The following GRID2 variants were observed in gnomAD, a reference collection of about 807,000 sequenced individuals.
GRID2 encodes glutamate receptor ionotropic, delta-2.
A neutral mutation model predicts 114.8 loss-of-function variants in GRID2; 33 were observed. The observed-to-expected ratio is 0.29, with a 90% confidence interval of 0.22 to 0.38. The LOEUF is 0.38. GRID2 is among the 10% of genes least tolerant of loss of function. The pLI, the probability that GRID2 is intolerant of heterozygous loss-of-function variation, is 1.00. For synonymous variants in GRID2, 505 were observed against 449.9 expected, an observed-to-expected ratio of 1.12 and a Z score of -1.55; for missense variants, 1,184 against 1,257.7, an observed-to-expected ratio of 0.94 and a Z score of 0.89.
intron 2 of GRID2, among the ~76,000 whole-genome samples, chr4:92,667,989 G>C (rs751671558): frequency 5.3e-5 from 8 of 151,708 alleles, no homozygotes; most frequent in Non-Finnish European, 1.2e-4. Context: ...TCAGCATGTG[G>C]TACTACCGGT....
chr4:92,345,220 C>T (rs185296603), intron 1 of GRID2, among the ~76,000 whole-genome samples: 24 of 152,020 alleles, frequency 1.6e-4, no homozygotes, highest in African/African-American at 5.3e-4. Flanking sequence ...TTTGGTTTTC[C>T]ATACCCGAGC....
chr4:93,608,282 A>AT (rs1740502062), intron 13 of GRID2, among the ~76,000 whole-genome samples: 1 of 134,504 alleles, frequency 7.4e-6, no homozygotes, highest in South Asian at 2.5e-4. Context: ...TCCAACTGAA[A>AT]ATTATTTTTT....
intron 2 of GRID2, among the ~76,000 whole-genome samples, chr4:92,830,656 C>T (rs1355236855): frequency 1.3e-5 from 2 of 152,140 alleles, no homozygotes; most frequent in African/African-American, 4.8e-5. Context: ...CTGCTATGGG[C>T]AGATGCCAAG....
intron 14 of GRID2, among the ~76,000 whole-genome samples, chr4:93,766,806 G>A (rs1195042733): frequency 6.6e-6 from 1 of 152,066 alleles, no homozygotes; most frequent in Non-Finnish European, 1.5e-5. Flanking sequence ...TATTATTATG[G>A]TAAGAATTCT....
At chr4:93,524,598 A>G (rs1422601495) in intron 13 of GRID2, among the ~76,000 whole-genome samples, 1 of 151,780 alleles carries the variant, frequency 6.6e-6, no homozygotes, top group African/African-American at 2.4e-5. Context: ...TGTTTTCTCA[A>G]AAAGAAAAGG....
intron 12 of GRID2, among the ~76,000 whole-genome samples, chr4:93,501,280 C>A (rs1341428028): frequency 6.6e-6 from 1 of 152,006 alleles, no homozygotes; most frequent in African/African-American, 2.4e-5. Context: ...CTTTGTGTCA[C>A]CCACTCACTC....
intron 1 of GRID2, among the ~76,000 whole-genome samples, chr4:92,492,910 C>T (rs1723210687): frequency 6.6e-6 from 1 of 152,018 alleles, no homozygotes; most frequent in African/African-American, 2.4e-5. Flanking sequence ...GCGCGGATCA[C>T]TGGAGGTCAG....
At chr4:92,551,731 A>C (rs1488769318) in intron 1 of GRID2, among the ~76,000 whole-genome samples, 1 of 152,180 alleles carries the variant, frequency 6.6e-6, no homozygotes, top group Non-Finnish European at 1.5e-5. Flanking sequence ...CATCGTTAAT[A>C]ACATCAGACA....
intron 8 of GRID2, among the ~76,000 whole-genome samples, chr4:93,250,855 C>T (rs1173567924): frequency 6.6e-6 from 1 of 151,004 alleles, no homozygotes; most frequent in East Asian, 1.9e-4. Flanking sequence ...TGAAAACTGG[C>T]CTTCATTTTA....
At chr4:92,451,935 G>A (rs1432738606) in intron 1 of GRID2, among the ~76,000 whole-genome samples, 1 of 152,140 alleles carries the variant, frequency 6.6e-6, no homozygotes, top group Admixed American at 6.6e-5. Flanking sequence ...TCCAGGATTA[G>A]GCTGTCTTGT....
intron 2 of GRID2, among the ~76,000 whole-genome samples, chr4:93,033,052 A>G (rs543051006): frequency 2.0e-5 from 3 of 152,264 alleles, no homozygotes; most frequent in Non-Finnish European, 4.4e-5. Flanking sequence ...CAAAAATGTT[A>G]TCTAACATTG....
At chr4:93,333,929 T>TG (rs1291076056) in intron 8 of GRID2, among the ~76,000 whole-genome samples, 47 of 152,268 alleles carry the variant, frequency 3.1e-4, no homozygotes, top group African/African-American at 1.1e-3. Context: ...TCATTTCTTG[T>TG]GGGGGAAAAT....
intron 11 of GRID2, among the ~76,000 whole-genome samples, chr4:93,480,289 T>A (rs951073137): frequency 6.6e-6 from 1 of 151,904 alleles, no homozygotes; most frequent in African/African-American, 2.4e-5. Flanking sequence ...AAAGGACATA[T>A]CAAAAAATGC....
chr4:92,673,060 C>T (rs1050417648), intron 2 of GRID2, among the ~76,000 whole-genome samples: 15 of 152,220 alleles, frequency 9.9e-5, no homozygotes, highest in African/African-American at 2.2e-4. Flanking sequence ...TAAGTGAGAA[C>T]GTGCAATATG....
intron 13 of GRID2, among the ~76,000 whole-genome samples, chr4:93,555,893 A>G (rs1345310250): frequency 6.6e-6 from 1 of 152,160 alleles, no homozygotes; most frequent in Non-Finnish European, 1.5e-5. Context: ...CTCTGGGACA[A>G]AGCTTCCAGA....
At chr4:93,383,342 A>G (rs986389983) in intron 8 of GRID2, among the ~76,000 whole-genome samples, 1 of 152,156 alleles carries the variant, frequency 6.6e-6, no homozygotes, top group Admixed American at 6.6e-5. Context: ...TGTGAACTGC[A>G]TGTAAGTTGC....
At chr4:93,682,840 G>T (rs1327046740) in intron 14 of GRID2, among the ~76,000 whole-genome samples, 1 of 151,366 alleles carries the variant, frequency 6.6e-6, no homozygotes, top group Non-Finnish European at 1.5e-5. Context: ...TAACTGATGA[G>T]TTAATGGGTG....
intron 8 of GRID2, among the ~76,000 whole-genome samples, chr4:93,316,327 A>AGAACGAAAGAAC (rs1756634667): frequency 4.2e-5 from 2 of 48,128 alleles, no homozygotes. Context: ...AAAGAAAGAA[A>AGAACGAAAGAAC]GAAAGAAAGA....
At chr4:92,816,745 TCTAATAGTA>T (rs1293278911) in intron 2 of GRID2, among the ~76,000 whole-genome samples, 2 of 152,156 alleles carry the variant, frequency 1.3e-5, no homozygotes, top group Non-Finnish European at 2.9e-5. Flanking sequence ...AAATGGGGAT[TCTAATAGTA>T]CTAGTTTATG....
Sources: gnomAD v4.1 joint callset for allele counts (sites outside exome capture counted in the v4.1 genomes callset) on GRCh38, gnomAD v4.1.1 for gene constraint, MANE v1.5 for transcripts, NCBI Gene and HGNC (gene_info 2026-07-23, HGNC 2026-07-21) for gene names.